The following EP400 variants were observed in gnomAD, a reference collection of about 807,000 sequenced individuals.
EP400 encodes E1A-binding protein p400.
Under a neutral mutation model 354.1 loss-of-function variants are expected in EP400, and 105 were observed. The observed-to-expected ratio is 0.30, with a 90% confidence interval of 0.25 to 0.35. The LOEUF is 0.35. Among genes scored for constraint, EP400 ranks in the 10% least tolerant of loss-of-function variants. The pLI, the probability that EP400 is intolerant of heterozygous loss-of-function variation, is 1.00. For missense variants in EP400, 3,280 were observed against 4,121.0 expected, an observed-to-expected ratio of 0.80 and a Z score of 5.59; for synonymous variants, 1,646 against 1,716.9, an observed-to-expected ratio of 0.96 and a Z score of 1.02.
intron 47 of EP400, among the ~76,000 whole-genome samples, chr12:132,063,772 G>A (rs1348254053): frequency 6.6e-6 from 1 of 152,114 alleles, no homozygotes; most frequent in Non-Finnish European, 1.5e-5. Context: ...AGCTTATCCT[G>A]TTCCTGTCAC....
intron 15 of EP400, among the ~76,000 whole-genome samples, chr12:132,010,134 A>C: frequency 7.3e-6 from 1 of 136,592 alleles, no homozygotes; most frequent in African/African-American, 2.8e-5. Flanking sequence ...CCCAGGCTGG[A>C]TGGATTGCAG....
intron 2 of EP400, among the ~76,000 whole-genome samples, chr12:131,971,008 A>C (rs867977464): frequency 5.3e-5 from 8 of 152,284 alleles, no homozygotes; most frequent in Middle Eastern, 6.8e-3. Context: ...ATTCAAGACC[A>C]GCCTGCACAA....
At chr12:132,065,450 C>A in intron 48 of EP400, 1 of 156,444 alleles carries the variant, frequency 6.4e-6, no homozygotes, top group South Asian at 1.9e-4. Flanking sequence ...GACAGCTGCC[C>A]TGTTGGAGGC....
intron 29 of EP400, chr12:132,031,237 A>G (rs185484308): frequency 5.4e-5 from 28 of 518,954 alleles, no homozygotes; most frequent in Admixed American, 2.9e-4. Context: ...CCTCAGCCTT[A>G]CTCCAGGGAC....
At chr12:131,978,750 C>T (rs979299426) in intron 2 of EP400, among the ~76,000 whole-genome samples, 1 of 152,096 alleles carries the variant, frequency 6.6e-6, no homozygotes, top group African/African-American at 2.4e-5. Context: ...TGACCTCAAG[C>T]GATCCTCCCA....
At chr12:132,024,841 C>A (rs979636868) in intron 24 of EP400, among the ~76,000 whole-genome samples, 8 of 151,708 alleles carry the variant, frequency 5.3e-5, no homozygotes, top group Non-Finnish European at 1.0e-4. Context: ...CACCTTCCCC[C>A]ACCTTCCCTC....
chr12:132,039,893 C>A (rs923515372), intron 32 of EP400, among the ~76,000 whole-genome samples: 1 of 152,160 alleles, frequency 6.6e-6, no homozygotes, highest in Non-Finnish European at 1.5e-5. Flanking sequence ...ATTTTGAAAA[C>A]TAGGAGTGTG....
chr12:131,981,108 T>C (rs1181371961), intron 3 of EP400, among the ~76,000 whole-genome samples: 1 of 152,216 alleles, frequency 6.6e-6, no homozygotes, highest in East Asian at 1.9e-4. Flanking sequence ...CTGTGCAGCC[T>C]CATTCCCTGT....
intron 12 of EP400, among the ~76,000 whole-genome samples, chr12:132,001,703 A>G (rs1233014536): frequency 6.6e-6 from 1 of 152,188 alleles, no homozygotes. Flanking sequence ...CGTTACCGCT[A>G]GACCCAGGAG....
In EP400 at chr12:132,006,838, C is replaced by G; in HGVS notation, c.3265C>G (p.Gln1089Glu). The change falls in exon 15 of 53, where the codon CAG becomes GAG. Residue 1089 changes from glutamine to glutamate, a missense_variant. Gln to Glu is a conservative substitution (Grantham distance 29, BLOSUM62 2). Around this residue, in one of 20 missense-constraint regions of EP400, gnomAD observed 242 missense variants for 357.9 expected, o/e 0.68. Coordinates refer to ENST00000389561, the MANE Select transcript of EP400 (RefSeq NM_015409.5). ...TGAAGCTGGGCTGGGTAAAACAGTG[C>G]AGATCATTGCTTTTTTTGCCCACCT... ...ADEAGLGKTV[Q>E]IIAFFAHLAC... 1 of 1,613,606 alleles carries G rather than the reference C, an allele frequency of 6.2e-7. No individual in the cohort carries two copies. The highest frequency in any genetic ancestry group is 8.5e-7 in the Non-Finnish European group (1 of 1,179,894).
intron 15 of EP400, among the ~76,000 whole-genome samples, chr12:132,009,691 A>G (rs918931618): frequency 1.3e-5 from 2 of 152,150 alleles, no homozygotes; most frequent in Admixed American, 6.5e-5. Context: ...GTGTTGGTAC[A>G]GGTGTCTGCT....
chr12:132,024,307 A>G (rs1894223916), intron 24 of EP400, among the ~76,000 whole-genome samples: 2 of 152,224 alleles, frequency 1.3e-5, no homozygotes, highest in African/African-American at 4.8e-5. Flanking sequence ...CCAGAGGTTG[A>G]AACTGCAGTG....
At chr12:132,033,743 G>C (rs977828899) in intron 30 of EP400, among the ~76,000 whole-genome samples, 1 of 151,928 alleles carries the variant, frequency 6.6e-6, no homozygotes, top group Non-Finnish European at 1.5e-5. Context: ...TGTTGCCCAG[G>C]CTGGTCCCAA....
chr12:131,982,448 G>T lies in EP400; in HGVS notation c.1899G>T (p.Val633=). The change falls in exon 5 of 53, where the codon GTG becomes GTT. Residue 633 remains valine (V), a synonymous_variant. Transcript: ENST00000389561. ...LHVPTPGKVQ[V]QASQLSSLPQ... is the part of the protein sequence containing the mutation. The stretch of plus-strand genomic sequence containing the variant: ...TTCCCACACCTGGAAAGGTGCAGGT[G>T]CAGGCCTCTCAGCTTTCCTCCCTGC... 1 of 1,611,490 alleles carries T rather than the reference G, an allele frequency of 6.2e-7. No individual in the cohort carries two copies. The highest frequency in any genetic ancestry group is 8.5e-7 in the Non-Finnish European group (1 of 1,177,926).
intron 3 of EP400, among the ~76,000 whole-genome samples, chr12:131,980,333 AGTT>A (rs1892638356): frequency 6.6e-6 from 1 of 152,178 alleles, no homozygotes; most frequent in Non-Finnish European, 1.5e-5. Context: ...ATCATATATA[AGTT>A]GTTATGTCTA....
At chr12:131,980,261 C>T (rs1006317710) in intron 3 of EP400, among the ~76,000 whole-genome samples, 1 of 152,178 alleles carries the variant, frequency 6.6e-6, no homozygotes, top group Non-Finnish European at 1.5e-5. Flanking sequence ...CTCTCACAGA[C>T]CTTCCTCTCT....
At chr12:132,045,186 C>T in intron 37 of EP400, 133 bp from the exon 38 acceptor site, 1 of 1,435,504 alleles carries the variant, frequency 7.0e-7, no homozygotes. Flanking sequence ...GCAGGTCTGT[C>T]TTTGGCAGGT....
intron 51 of EP400, among the ~76,000 whole-genome samples, chr12:132,072,806 T>C (rs1353622137): frequency 1.3e-5 from 2 of 152,262 alleles, no homozygotes; most frequent in Non-Finnish European, 2.9e-5. Flanking sequence ...CTCTCTGGTT[T>C]TGCTTTATAT....
chr12:131,997,943 T>C (rs919373867), intron 12 of EP400, among the ~76,000 whole-genome samples: 2 of 152,252 alleles, frequency 1.3e-5, no homozygotes, highest in East Asian at 3.8e-4. Context: ...CACAAAGATA[T>C]ATCATCTAAA....
Sources: allele counts gnomAD v4.1 joint callset (sites outside exome capture counted in the v4.1 genomes callset), GRCh38; gene constraint gnomAD v4.1.1; regional missense constraint gnomAD v4.1.1; transcripts MANE v1.5; gene names NCBI Gene and HGNC (gene_info 2026-07-23, HGNC 2026-07-21).